LAIR1: variants seen among roughly 807,000 people sequenced by gnomAD.
LAIR1 encodes leukocyte associated immunoglobulin like receptor 1, also known as leukocyte-associated immunoglobulin-like receptor 1.
Under a neutral mutation model 32.8 loss-of-function variants are expected in LAIR1, and 24 were observed. That is an observed-to-expected ratio of 0.73 (90% CI 0.53 to 1.03). The LOEUF is 1.03. LAIR1 is among the 50% of genes least tolerant of loss of function. The pLI is 0.00. For synonymous variants in LAIR1, 150 were observed against 140.5 expected (o/e 1.07, Z -0.48); for missense variants, 355 against 347.5 (o/e 1.02, Z -0.17).
At position 54,356,569 on chromosome 19, in the gene LAIR1, CG is replaced by C. The variant is rs1569186874; in HGVS notation, c.504del (p.Ile168MetfsTer25). 10 of 1,613,854 alleles carry C rather than the reference CG, an allele frequency of 6.2e-6. No homozygotes were observed. Among genetic ancestry groups the C allele is most frequent in the Non-Finnish European group, 7.6e-6 (9 of 1,179,958 alleles). ...CAGAAGAGGAAGACCACTGAGACCC[CG>C]ATGAGAATATACAGATGCTCAGCTT... ...GLKAEHLYIL[I>X]GVSVVFLFCL... On this transcript the variant is annotated frameshift_variant, in exon 6 of 10. Transcript: ENST00000391742. LOFTEE classifies it high-confidence loss of function.
upstream of LAIR1, among the ~76,000 whole-genome samples, chr19:54,375,272 C>T (rs1376996455): frequency 2.0e-5 from 3 of 152,166 alleles, no homozygotes; most frequent in East Asian, 3.9e-4. Context: ...CTCAATCCCT[C>T]GCCTGCCGTG....
chr19:54,373,420 G>T (rs2082453824), upstream of LAIR1, among the ~76,000 whole-genome samples: 1 of 151,944 alleles, frequency 6.6e-6, no homozygotes, highest in African/African-American at 2.4e-5. Flanking sequence ...CTCCAGCCAG[G>T]GTGACAGAGC....
At chr19:54,369,846 A>T (rs2122648885), upstream of LAIR1, among the ~76,000 whole-genome samples, 1 of 151,160 alleles carries the variant, frequency 6.6e-6, no homozygotes, top group South Asian at 2.1e-4. Flanking sequence ...AAATATTTCA[A>T]AACTATTCCA....
rs879176877 is a variant in LAIR1 at position 54,358,713 on chromosome 19, A to G, written c.415+1309T>C. ...CAGCACTGATGTCAGCGCCGTGTGT[A>G]CCTGAACTCAAGTCTGCCCTAAACG... On this transcript the variant is annotated intron_variant, in intron 4 of 9. Coordinates refer to ENST00000391742, the MANE Select transcript of LAIR1 (RefSeq NM_002287.6). 2.2e-5 allele frequency: 20 copies of G among 893,562 alleles called. 1 individual carries two copies. The South Asian group carries it at 3.3e-4, about 15-fold the overall frequency. The allele number at this position is 893,562 out of a possible 1,614,324, so 55.4% of individuals were successfully genotyped here. A position where few individuals can be genotyped will look rare whatever the true frequency, so the allele number is the denominator to read the frequency against.
At position 54,355,110 on chromosome 19, in the gene LAIR1, T is replaced by G. The variant is rs552011678; in HGVS notation, c.*158A>C. On this transcript the variant is annotated 3_prime_UTR_variant, in exon 10 of 10. Transcript: ENST00000391742. The surrounding 1 kb of genome is among the most constrained non-coding windows in gnomAD (Gnocchi z 4.7). ...GGCTAACGAACCTTCTGGATGCTGG[T>G]TAGAAACCTCCAGTCTCCAGCTCTT... The G allele has an allele frequency of 1.8e-5, 12 of 684,532 alleles. No individual in the cohort carries two copies. Among genetic ancestry groups the G allele is most frequent in the South Asian group, 6.0e-5 (3 of 50,078 alleles). The allele number at this position is 684,532 out of a possible 1,614,324, so 42.4% of individuals were successfully genotyped here. A position where few individuals can be genotyped will look rare whatever the true frequency, so the allele number is the denominator to read the frequency against.
chr19:54,364,490 C>A lies in LAIR1; in HGVS notation c.35-160G>T, dbSNP rs1361544218. 1 of 804,438 alleles carries A rather than the reference C, an allele frequency of 1.2e-6. No homozygotes were observed. Among genetic ancestry groups the A allele is most frequent in the Non-Finnish European group, 2.2e-6 (1 of 464,184 alleles). 49.8% of individuals were successfully genotyped at this position (804,438 alleles called of 1,614,324 possible). ...TGTCTCCATGTAATCCTTCTTGCTG[C>A]AAAATGGTTTCAAGATAAATCCCAA... On this transcript the variant is annotated intron_variant, in intron 1 of 9. Coordinates refer to ENST00000391742, the MANE Select transcript of LAIR1 (RefSeq NM_002287.6). The surrounding 1 kb of genome is among the most constrained non-coding windows in gnomAD (Gnocchi z 4.8).
At chr19:54,370,016 A>G (rs890431282) in intron 1 of LAIR1, among the ~76,000 whole-genome samples, 3 of 146,756 alleles carry the variant, frequency 2.0e-5, no homozygotes, top group African/African-American at 7.9e-5. Flanking sequence ...ATCTAATCCA[A>G]TCTCAAGGAC....
chr19:54,375,300 A>T (rs879944410), upstream of LAIR1, among the ~76,000 whole-genome samples: 4 of 152,144 alleles, frequency 2.6e-5, no homozygotes, highest in Non-Finnish European at 5.9e-5. Flanking sequence ...TGGTCAAGGG[A>T]AAGTCCAGGA....
intron 2 of LAIR1, among the ~76,000 whole-genome samples, chr19:54,363,623 A>T (rs2082125394): frequency 6.6e-6 from 1 of 152,256 alleles, no homozygotes; most frequent in African/African-American, 2.4e-5. Context: ...GCCCTAAAAA[A>T]GGAAGGACAT....
At chr19:54,366,117 G>C (rs1298265635), upstream of LAIR1, among the ~76,000 whole-genome samples, 1 of 152,134 alleles carries the variant, frequency 6.6e-6, no homozygotes, top group Non-Finnish European at 1.5e-5. Flanking sequence ...GGGGCTGGGA[G>C]GAGGGGGAAA....
At chr19:54,367,811 GCCGGA>G (rs1227911592), upstream of LAIR1, among the ~76,000 whole-genome samples, 1 of 145,104 alleles carries the variant, frequency 6.9e-6, no homozygotes, top group African/African-American at 2.6e-5. Flanking sequence ...TGTCGCCCAG[GCCGGA>G]CTGCGGACTG....
upstream of LAIR1, among the ~76,000 whole-genome samples, chr19:54,370,927 C>T (rs956316174): frequency 8.0e-5 from 12 of 150,404 alleles, no homozygotes; most frequent in African/African-American, 2.5e-4. Flanking sequence ...CCAGAGAAAT[C>T]GGCAAATGCT....
chr19:54,355,942 A>G lies in LAIR1; in HGVS notation c.717+12T>C, dbSNP rs201602916. ...AATTTGGGGTACTTTAATAACTAGT[A>G]GGAAGGCTCACCGAGGTGTCCGTCT... On this transcript the variant is annotated intron_variant, in intron 9 of 9. Coordinates refer to ENST00000391742, the MANE Select transcript of LAIR1 (RefSeq NM_002287.6). This position sits in a 1 kb window ranked among gnomAD's most constrained non-coding sequence, Gnocchi z 4.7. 390 of 1,567,940 alleles carry G rather than the reference A, an allele frequency of 2.5e-4. No individual in the cohort carries two copies. The highest frequency in any genetic ancestry group is 3.3e-4 in the Non-Finnish European group (375 of 1,137,568).
chr19:54,369,424 A>G (rs554290088), upstream of LAIR1, among the ~76,000 whole-genome samples: 1 of 151,556 alleles, frequency 6.6e-6, no homozygotes, highest in East Asian at 1.9e-4. Flanking sequence ...CTGTTCCTCC[A>G]CAATCCAAGG....
In LAIR1 at chr19:54,352,894, C is replaced by T. The variant is rs1454279943; in HGVS notation, c.*2374G>A. ...ACAAAGACGGCTGGACGCAGTGGCT[C>T]ATGCCTGTAATCCCAGGACTTTGGG... On this transcript the variant is annotated 3_prime_UTR_variant, in exon 10 of 10. Coordinates refer to ENST00000391742, the MANE Select transcript of LAIR1 (RefSeq NM_002287.6). 1 of 152,214 alleles carries T rather than the reference C, an allele frequency of 6.6e-6. No homozygotes were observed. The highest frequency in any genetic ancestry group is 2.1e-4 in the South Asian group (1 of 4,830). The allele number at this position is 152,214 out of a possible 1,614,324, so 9.4% of individuals were successfully genotyped here.
At chr19:54,372,285 T>G (rs2082423900), upstream of LAIR1, among the ~76,000 whole-genome samples, 1 of 151,464 alleles carries the variant, frequency 6.6e-6, no homozygotes, top group Non-Finnish European at 1.5e-5. Flanking sequence ...TCCTCGCCAG[T>G]AGGCCAGTAT....
rs1303043004 is a variant in LAIR1 at position 54,355,373 on chromosome 19, C to G, written c.759G>C (p.Gln253His). Reference protein sequence around the residue: ...AGSSQEVTYAQLDHWALTQRT... With the variant: ...AGSSQEVTYAHLDHWALTQRT... ...TCTGTGTGAGGGCCCAGTGGTCCAGCTGAGCATACGTCACCTCCTGGGAAC... is the reference window on the plus strand; with the variant it reads ...TCTGTGTGAGGGCCCAGTGGTCCAGGTGAGCATACGTCACCTCCTGGGAAC... The change falls in exon 10 of 10, where the codon CAG becomes CAC. Residue 253 changes from glutamine to histidine, a missense_variant. Physicochemically the swap from Gln to His is conservative, Grantham distance 24 (BLOSUM62 0). Transcript: ENST00000391742. This position sits in a 1 kb window ranked among gnomAD's most constrained non-coding sequence, Gnocchi z 4.7. 1 of 1,612,840 alleles carries G rather than the reference C, an allele frequency of 6.2e-7. No individual in the cohort carries two copies. The highest frequency in any genetic ancestry group is 1.1e-5 in the South Asian group (1 of 90,968).
chr19:54,356,667 C>T (rs2081729119), intron 5 of LAIR1, 48 bp from the exon 6 acceptor site: 1 of 1,578,370 alleles, frequency 6.3e-7, no homozygotes, highest in African/African-American at 1.3e-5. Context: ...TTATTGAGCA[C>T]CTACTGTATA....
intron 2 of LAIR1, among the ~76,000 whole-genome samples, chr19:54,362,070 G>A (rs2082052267): frequency 6.6e-6 from 1 of 151,624 alleles, no homozygotes; most frequent in Non-Finnish European, 1.5e-5. Flanking sequence ...ATGTATTTAA[G>A]GTGTACAACA....
Sources: gnomAD v4.1 joint callset for allele counts (sites outside exome capture counted in the v4.1 genomes callset) on GRCh38, gnomAD v4.1.1 for gene constraint, Gnocchi (gnomAD v3.1) non-coding constraint, MANE v1.5 for transcripts, NCBI Gene and HGNC (gene_info 2026-07-23, HGNC 2026-07-21) for gene names.